Variants in FADD observed in about 807,000 individuals in gnomAD.
FADD encodes Fas associated via death domain, also known as FAS-associated death domain protein.
Under a neutral mutation model 5.8 loss-of-function variants are expected in FADD, and 3 were observed. That is an observed-to-expected ratio of 0.52 (90% CI 0.24 to 1.34). The LOEUF (loss-of-function observed/expected upper bound fraction) is 1.34, where lower values mean the gene tolerates loss of function less well. Ranked by LOEUF, FADD falls within the 40% of genes most tolerant of loss-of-function variation. FADD has a pLI of 0.17. For missense variants in FADD, 249 were observed against 286.7 expected (o/e 0.87, Z 0.95); for synonymous variants, 138 against 130.8 (o/e 1.06, Z -0.38).
At chr11:70,205,991 C>T (rs1337433283) in intron 1 of FADD, 142 bp from the exon 2 acceptor site, 24 of 748,660 alleles carry the variant, frequency 3.2e-5, no homozygotes, top group African/African-American at 1.0e-4. Context: ...TGCTGCCAGG[C>T]GACTCTAGCC....
chr11:70,203,921 T>C (rs1017260754), intron 1 of FADD, among the ~76,000 whole-genome samples, 176 bp downstream of exon 1: 2 of 152,216 alleles, frequency 1.3e-5, no homozygotes, highest in East Asian at 1.9e-4. Flanking sequence ...AAAAGTTAAC[T>C]TATTCGAGGT....
chr11:70,207,146 G>C lies in FADD; in HGVS notation c.*673G>C, dbSNP rs2049468868. 6.4e-6 allele frequency: 1 copy of C among 155,868 alleles called. No homozygotes were observed. Among genetic ancestry groups the C allele is most frequent in the Non-Finnish European group, 1.4e-5 (1 of 70,188 alleles). The allele number at this position is 155,868 out of a possible 1,614,324, so 9.7% of individuals were successfully genotyped here. Reference sequence around the variant, plus strand: ...AAGTAGGGGCAGTGATGGTTGCCAGGACGAATTGAGATAATATCTGTGAGG... The same window carrying C: ...AAGTAGGGGCAGTGATGGTTGCCAGCACGAATTGAGATAATATCTGTGAGG... On this transcript the variant is annotated 3_prime_UTR_variant, in exon 2 of 2. Transcript: ENST00000301838.
intron 1 of FADD, among the ~76,000 whole-genome samples, chr11:70,205,284 A>G (rs1258907161): frequency 6.6e-6 from 1 of 152,120 alleles, no homozygotes; most frequent in African/African-American, 2.4e-5. Context: ...CTCAGTGGTG[A>G]CGTCAGCAGA....
Position 70,203,528 on chromosome 11 carries a change from C to T in FADD, c.69C>T (p.Leu23=). ...TGTCGAGCAGCGAGCTGACCGAGCT[C>T]AAGTTCCTATGCCTCGGGCGCGTGG... ...SSLSSSELTE[L]KFLCLGRVGK... Residue 23 remains leucine, a synonymous_variant, in exon 1 of 2, where the codon CTC becomes CTT. Transcript: ENST00000301838. 1.2e-6 allele frequency: 2 copies of T among 1,611,682 alleles called. No individual in the cohort carries two copies. Among genetic ancestry groups the T allele is most frequent in the Non-Finnish European group, 1.7e-6 (2 of 1,179,356 alleles).
intron 1 of FADD, among the ~76,000 whole-genome samples, 169 bp downstream of exon 1, chr11:70,203,914 A>C (rs2049441198): frequency 6.6e-6 from 1 of 152,222 alleles, no homozygotes; most frequent in Non-Finnish European, 1.5e-5. Context: ...AACGCAGAAA[A>C]GTTAACTTAT....
chr11:70,203,339 G>C lies in FADD; in HGVS notation c.-121G>C. 6.6e-7 allele frequency: 1 copy of C among 1,506,452 alleles called. No homozygotes were observed. Among genetic ancestry groups the C allele is most frequent in the Non-Finnish European group, 8.9e-7 (1 of 1,129,534 alleles). 93.3% of individuals were successfully genotyped at this position (1,506,452 alleles called of 1,614,324 possible). A position where few individuals can be genotyped will look rare whatever the true frequency, so the allele number is the denominator to read the frequency against. On this transcript the variant is annotated 5_prime_UTR_variant, in exon 1 of 2. Transcript: ENST00000301838. ...TAGTGAATCAGGCACCGGAGTGCAG[G>C]TTCGGGGGTGGAATCCTTGGGCCGC...
In FADD at chr11:70,206,486, T is replaced by TTGGGAGGCTGAGG; in HGVS notation, c.*15_*16insGGAGGCTGAGGTG. The TTGGGAGGCTGAGG allele has an allele frequency of 6.2e-7, 1 of 1,607,444 alleles. No homozygotes were observed. The highest frequency in any genetic ancestry group is 8.5e-7 in the Non-Finnish European group (1 of 1,176,756). On this transcript the variant is annotated 3_prime_UTR_variant, in exon 2 of 2. Coordinates refer to ENST00000301838, the MANE Select transcript of FADD (RefSeq NM_003824.4). ...CGAAGCGTCCTGATGGGCCGCTGCTTTGCGCTGGTGGACCACAGGCATCTA... is the reference window on the plus strand; with the variant it reads ...CGAAGCGTCCTGATGGGCCGCTGCTTTGGGAGGCTGAGGTGCGCTGGTGGACCACAGGCATCTA...
At chr11:70,205,626 T>C (rs1363762793) in intron 1 of FADD, among the ~76,000 whole-genome samples, 1 of 152,152 alleles carries the variant, frequency 6.6e-6, no homozygotes, top group Non-Finnish European at 1.5e-5. Context: ...AGGATACCTA[T>C]CATTGGTGCA....
intron 1 of FADD, 50 bp from the exon 2 acceptor site, chr11:70,206,083 G>A (rs1488285130): frequency 6.6e-7 from 1 of 1,508,826 alleles, no homozygotes; most frequent in Admixed American, 1.8e-5. Flanking sequence ...GGATTGTGGG[G>A]TCGCTTGTCT....
rs1363856519 is a variant in FADD at position 70,206,640 on chromosome 11, G to A, written c.*167G>A. ...AGCTGCGTTTATTAATGCCTCTCCCGCACCAGGCCGGGCTTGGGCCCTGCA... is the reference window on the plus strand; with the variant it reads ...AGCTGCGTTTATTAATGCCTCTCCCACACCAGGCCGGGCTTGGGCCCTGCA... On this transcript the variant is annotated 3_prime_UTR_variant, in exon 2 of 2. Transcript: ENST00000301838. The A allele has an allele frequency of 7.0e-5, 46 of 659,040 alleles. No individual in the cohort carries two copies. The East Asian group carries it at 8.7e-4, about 13-fold the overall frequency. The allele number at this position is 659,040 out of a possible 1,614,324, so 40.8% of individuals were successfully genotyped here.
Position 70,203,456 on chromosome 11 carries a change from C to T in FADD, c.-4C>T, listed in dbSNP as rs776761460. 1 of 1,570,620 alleles carries T rather than the reference C, an allele frequency of 6.4e-7. No individual in the cohort carries two copies. The highest frequency in any genetic ancestry group is 2.4e-5 in the East Asian group (1 of 42,192). ...CGCAGCCCCGGCCGCTTGCAGACCC[C>T]GCCATGGACCCGTTCCTGGTGCTGC... On this transcript the variant is annotated 5_prime_UTR_variant, in exon 1 of 2. Coordinates refer to ENST00000301838, the MANE Select transcript of FADD (RefSeq NM_003824.4).
At position 70,206,642 on chromosome 11, in the gene FADD, ACCAGG is replaced by A. The variant is rs2049463868; in HGVS notation, c.*172_*176del. On this transcript the variant is annotated 3_prime_UTR_variant, in exon 2 of 2. Transcript: ENST00000301838. Reference sequence around the variant, plus strand: ...CTGCGTTTATTAATGCCTCTCCCGCACCAGGCCGGGCTTGGGCCCTGCACAGATAT... The same window carrying A: ...CTGCGTTTATTAATGCCTCTCCCGCACCGGGCTTGGGCCCTGCACAGATAT... The A allele has an allele frequency of 1.5e-6, 1 of 657,714 alleles. No homozygotes were observed. Among genetic ancestry groups the A allele is most frequent in the Non-Finnish European group, 2.7e-6 (1 of 371,384 alleles). 40.7% of individuals were successfully genotyped at this position (657,714 alleles called of 1,614,324 possible).
Position 70,203,607 on chromosome 11 carries a change from C to T in FADD, c.148C>T (p.Leu50=), listed in dbSNP as rs1277750938. 3 of 1,607,832 alleles carry T rather than the reference C, an allele frequency of 1.9e-6. No homozygotes were observed. Among genetic ancestry groups the T allele is most frequent in the African/African-American group, 2.7e-5 (2 of 73,988 alleles). The part of the protein sequence containing the change: ...QSGLDLFSML[L]EQNDLEPGHT... ...CGGCCTAGACCTCTTCTCCATGCTG[C>T]TGGAGCAGAACGACCTGGAGCCCGG... The change falls in exon 1 of 2, where the codon CTG becomes TTG. Residue 50 remains leucine (L), a synonymous_variant. Coordinates refer to ENST00000301838, the MANE Select transcript of FADD (RefSeq NM_003824.4).
chr11:70,205,035 G>C (rs1447157853), intron 1 of FADD, among the ~76,000 whole-genome samples: 4 of 152,168 alleles, frequency 2.6e-5, no homozygotes, highest in South Asian at 2.1e-4. Flanking sequence ...CTCTGCCATC[G>C]TCTAGCTACA....
At chr11:70,204,350 T>TA (rs1351609534) in intron 1 of FADD, among the ~76,000 whole-genome samples, 1 of 152,204 alleles carries the variant, frequency 6.6e-6, no homozygotes, top group African/African-American at 2.4e-5. Context: ...TGGGTAGTGT[T>TA]AGCCACTACA....
chr11:70,204,263 A>G lies in FADD; in HGVS notation c.286+518A>G, dbSNP rs559391814. The stretch of plus-strand genomic sequence containing the variant: ...TACAGAGGACAGGACTGTGGCTCAC[A>G]GGTTAAGTGGCTTTGTCGAAATGCG... On this transcript the variant is annotated intron_variant, in intron 1 of 1. Transcript: ENST00000301838. Among the ~76,000 whole-genome samples, 3 of 152,344 alleles carry G rather than the reference A, an allele frequency of 2.0e-5. No individual in the cohort carries two copies. The South Asian group carries it at 6.2e-4, about 32-fold the overall frequency.
chr11:70,203,600 C>T lies in FADD; in HGVS notation c.141C>T (p.Ser47=). ...ERVQSGLDLF[S]MLLEQNDLEP... is the part of the protein sequence containing the mutation. ...TGCAGAGCGGCCTAGACCTCTTCTC[C>T]ATGCTGCTGGAGCAGAACGACCTGG... Residue 47 remains serine, a synonymous_variant, in exon 1 of 2, where the codon TCC becomes TCT. Transcript: ENST00000301838. 4 of 1,610,914 alleles carry T rather than the reference C, an allele frequency of 2.5e-6. No individual in the cohort carries two copies. The highest frequency in any genetic ancestry group is 3.4e-6 in the Non-Finnish European group (4 of 1,179,182).
intron 1 of FADD, among the ~76,000 whole-genome samples, chr11:70,205,817 C>T (rs1193856564): frequency 6.6e-6 from 1 of 152,206 alleles, no homozygotes; most frequent in East Asian, 1.9e-4. Flanking sequence ...CCACAACTCC[C>T]CAGCCCCTCC....
intron 1 of FADD, among the ~76,000 whole-genome samples, chr11:70,205,517 C>T (rs1029326706): frequency 1.3e-5 from 2 of 152,160 alleles, no homozygotes; most frequent in African/African-American, 4.8e-5. Context: ...TGGGGAGGCT[C>T]CTTCCGGGTC....
Sources: allele counts gnomAD v4.1 joint callset (sites outside exome capture counted in the v4.1 genomes callset), GRCh38; gene constraint gnomAD v4.1.1; transcripts MANE v1.5; gene names NCBI Gene and HGNC (gene_info 2026-07-23, HGNC 2026-07-21).